The following RETREG1 variants were observed in gnomAD, a reference collection of about 807,000 sequenced individuals.
The protein encoded by RETREG1 is reticulophagy regulator 1.
Under a neutral mutation model 54.8 loss-of-function variants are expected in RETREG1, and 44 were observed. That is an observed-to-expected ratio of 0.80 (90% CI 0.63 to 1.03). RETREG1 has a LOEUF of 1.03. Among genes scored for constraint, RETREG1 ranks in the 50% least tolerant of loss-of-function variants. RETREG1 has a pLI of 0.00. For missense variants in RETREG1, 554 were observed against 605.1 expected (o/e 0.92, Z 0.89); for synonymous variants, 217 against 238.5 (o/e 0.91, Z 0.83).
At chr5:16,483,806 G>C (rs1372667090) in intron 3 of RETREG1, among the ~76,000 whole-genome samples, 2 of 152,066 alleles carry the variant, frequency 1.3e-5, no homozygotes, top group African/African-American at 4.8e-5. Context: ...AGAACAACAT[G>C]CAATATATGC....
At chr5:16,609,704 G>A (rs1743286978) in intron 1 of RETREG1, among the ~76,000 whole-genome samples, 1 of 152,192 alleles carries the variant, frequency 6.6e-6, no homozygotes, top group African/African-American at 2.4e-5. Context: ...AGCCGGGGAA[G>A]AGAAGACTCA....
At chr5:16,513,077 C>A (rs73753078) in intron 3 of RETREG1, among the ~76,000 whole-genome samples, 7 of 152,146 alleles carry the variant, frequency 4.6e-5, no homozygotes, top group African/African-American at 1.7e-4. Flanking sequence ...TTGTTTGGAG[C>A]AGATTGGTTC....
intron 3 of RETREG1, among the ~76,000 whole-genome samples, chr5:16,526,375 T>G (rs149381853): frequency 6.6e-5 from 10 of 152,322 alleles, no homozygotes; most frequent in African/African-American, 2.4e-4. Flanking sequence ...ACAGGACCAG[T>G]GTCAACTGCC....
chr5:16,611,732 A>G (rs1743347512), intron 1 of RETREG1, among the ~76,000 whole-genome samples: 1 of 152,228 alleles, frequency 6.6e-6, no homozygotes, highest in Admixed American at 6.5e-5. Context: ...CCAGCAATAC[A>G]AAGCAGCAAA....
chr5:16,491,460 A>G (rs552119179), intron 3 of RETREG1, among the ~76,000 whole-genome samples: 20 of 152,340 alleles, frequency 1.3e-4, no homozygotes, highest in Middle Eastern at 3.4e-3. Flanking sequence ...GAATGAATAT[A>G]AACAGTAAAC....
rs367610636 is a variant in RETREG1, at chr5:16,573,829, T to C, written c.321-1727A>G. Among the ~76,000 whole-genome samples the C allele has an allele frequency of 1.4e-3, 207 of 144,258 alleles. 2 individuals carry two copies. The highest frequency in any genetic ancestry group is 4.8e-3 in the African/African-American group (196 of 40,546). 94.6% of individuals were successfully genotyped at this position (144,258 alleles called of 152,430 possible). On this transcript the variant is annotated intron_variant, in intron 1 of 8. Transcript: ENST00000306320. ...GCACGATCTTGGCTCACTGCAACCT[T>C]CTCCTCTCAGGTTCAAGCAATTCTC...
At chr5:16,526,323 G>A (rs1170533009) in intron 3 of RETREG1, among the ~76,000 whole-genome samples, 2 of 152,212 alleles carry the variant, frequency 1.3e-5, no homozygotes, top group Admixed American at 6.5e-5. Flanking sequence ...TACTGGGAGC[G>A]TATTCTGTGC....
chr5:16,614,342 T>C (rs1310889505), intron 1 of RETREG1, among the ~76,000 whole-genome samples: 1 of 152,218 alleles, frequency 6.6e-6, no homozygotes. Flanking sequence ...AACACTGGCC[T>C]ACTTGAAAAA....
chr5:16,511,320 C>T (rs932252051), intron 3 of RETREG1, among the ~76,000 whole-genome samples: 4 of 152,252 alleles, frequency 2.6e-5, no homozygotes, highest in Middle Eastern at 3.4e-3. Context: ...GGTGGGCAGC[C>T]GGTACTCTGC....
intron 3 of RETREG1, among the ~76,000 whole-genome samples, chr5:16,555,566 CAA>C (rs762303362): frequency 6.6e-6 from 1 of 152,108 alleles, no homozygotes; most frequent in African/African-American, 2.4e-5. Context: ...TGTCATTCTA[CAA>C]AAAGACTGCA....
chr5:16,576,492 T>A (rs973952620), intron 1 of RETREG1, among the ~76,000 whole-genome samples: 7 of 151,838 alleles, frequency 4.6e-5, no homozygotes, highest in Non-Finnish European at 8.8e-5. Flanking sequence ...TTATTTATTT[T>A]TTTATTTTTT....
chr5:16,547,258 C>T (rs1248109087), intron 3 of RETREG1, among the ~76,000 whole-genome samples: 1 of 152,152 alleles, frequency 6.6e-6, no homozygotes, highest in Non-Finnish European at 1.5e-5. Flanking sequence ...CTACTCACAA[C>T]CAAAGTGTTT....
At chr5:16,546,447 C>T (rs987136424) in intron 3 of RETREG1, among the ~76,000 whole-genome samples, 1 of 152,196 alleles carries the variant, frequency 6.6e-6, no homozygotes, top group Admixed American at 6.5e-5. Context: ...GGATTACAGG[C>T]ACGAGCCAAT....
chr5:16,499,677 C>T (rs544056923), intron 3 of RETREG1, among the ~76,000 whole-genome samples: 13 of 152,186 alleles, frequency 8.5e-5, no homozygotes, highest in African/African-American at 2.4e-4. Context: ...AATTACCATG[C>T]GACACTCATT....
chr5:16,597,783 G>T lies in RETREG1; in HGVS notation c.320+18869C>A, dbSNP rs1018940477. On this transcript the variant is annotated intron_variant, in intron 1 of 8. Transcript: ENST00000306320. This position sits in a 1 kb window ranked among gnomAD's most constrained non-coding sequence, Gnocchi z 4.3. ...AAAGAACCAATCACATCAGTGCCAGGGGTTGTTTGTAATGGCCCGTCAGTT... is the reference window on the plus strand; with the variant it reads ...AAAGAACCAATCACATCAGTGCCAGTGGTTGTTTGTAATGGCCCGTCAGTT... 1.3e-5 allele frequency among the ~76,000 whole-genome samples: 2 copies of T among 152,124 alleles called. No individual in the cohort carries two copies. The highest frequency in any genetic ancestry group is 4.8e-5 in the African/African-American group (2 of 41,406).
Position 16,478,034 on chromosome 5 carries a change from C to G in RETREG1, c.873G>C (p.Lys291Asn). 6.2e-7 allele frequency: 1 copy of G among 1,606,734 alleles called. No homozygotes were observed. Among genetic ancestry groups the G allele is most frequent in the Non-Finnish European group, 8.5e-7 (1 of 1,175,822 alleles). Residue 291 changes from lysine (K) to asparagine (N), a missense_variant and splice_region_variant, in exon 7 of 9, where the codon AAG (lysine) becomes AAC (asparagine). Coordinates refer to ENST00000306320, the MANE Select transcript of RETREG1 (RefSeq NM_001034850.3). ...SELDFSALCP[K>N]ISLTVAAKEL... ...AAATTGAAAACTAAACAAAAAATAC[C>G]TTAGGACAAAGAGCTGAAAAGTCTA...
intron 3 of RETREG1, among the ~76,000 whole-genome samples, chr5:16,514,297 G>C (rs1019017707): frequency 6.6e-6 from 1 of 152,036 alleles, no homozygotes; most frequent in Non-Finnish European, 1.5e-5. Context: ...CTGCAAATAC[G>C]GGAGAGCCCA....
chr5:16,578,205 A>G (rs989446620), intron 1 of RETREG1, among the ~76,000 whole-genome samples: 6 of 152,226 alleles, frequency 3.9e-5, no homozygotes, highest in African/African-American at 1.4e-4. Context: ...ACATTTACAA[A>G]TGCAGTTTAA....
chr5:16,496,846 CT>C (rs1739482341), intron 3 of RETREG1, among the ~76,000 whole-genome samples: 1 of 152,142 alleles, frequency 6.6e-6, no homozygotes, highest in African/African-American at 2.4e-5. Flanking sequence ...ATATTTTTGG[CT>C]TTGTTGGCTA....
Sources: allele counts gnomAD v4.1 joint callset (sites outside exome capture counted in the v4.1 genomes callset), GRCh38; gene constraint gnomAD v4.1.1; non-coding constraint Gnocchi (gnomAD v3.1); transcripts MANE v1.5; gene names NCBI Gene and HGNC (gene_info 2026-07-23, HGNC 2026-07-21).